The following TRIOBP variants were observed in gnomAD, a reference collection of about 807,000 sequenced individuals.
The protein encoded by TRIOBP is TRIO and F-actin-binding protein.
In TRIOBP, 169 loss-of-function variants were observed where a neutral mutation model predicts 238.8. That is an observed-to-expected ratio of 0.71 (90% CI 0.62 to 0.80). The LOEUF is 0.80. TRIOBP is among the 30% of genes least tolerant of loss of function. The probability of loss-of-function intolerance (pLI) is 0.00; values close to 1 mark genes in which losing one functional copy is unlikely to be tolerated. For synonymous variants in TRIOBP, 1,150 were observed against 1,274.4 expected, an observed-to-expected ratio of 0.90 and a Z score of 2.08; for missense variants, 2,838 against 3,122.6, an observed-to-expected ratio of 0.91 and a Z score of 2.17.
At chr22:37,772,792 G>A (rs541068887) in intron 23 of TRIOBP, 28 bp downstream of exon 23, 116 of 1,606,824 alleles carry the variant, frequency 7.2e-5, no homozygotes, top group Non-Finnish European at 9.5e-5. Flanking sequence ...TGCCCTGCAG[G>A]GTGGGCAGGG....
chr22:37,763,738 G>A (rs1166610534), intron 17 of TRIOBP, among the ~76,000 whole-genome samples: 4 of 152,134 alleles, frequency 2.6e-5, no homozygotes, highest in Non-Finnish European at 5.9e-5. Flanking sequence ...GGCTGCTGCC[G>A]CCTGCCTATC....
intron 22 of TRIOBP, among the ~76,000 whole-genome samples, 155 bp from the exon 23 acceptor site, chr22:37,772,438 TGGGAGGGG>T (rs1926830154): frequency 6.6e-6 from 1 of 150,876 alleles, no homozygotes; most frequent in African/African-American, 2.4e-5. Context: ...ACCAGGGAGG[TGGGAGGGG>T]TAAGCCCAGA....
At chr22:37,762,117 C>T (rs959369353) in intron 17 of TRIOBP, among the ~76,000 whole-genome samples, 2 of 152,244 alleles carry the variant, frequency 1.3e-5, no homozygotes, top group South Asian at 4.1e-4. Context: ...GTCACCCAGG[C>T]TACAGTGCAG....
At chr22:37,699,974 G>C (rs1189146807) in intron 2 of TRIOBP, among the ~76,000 whole-genome samples, 1 of 152,044 alleles carries the variant, frequency 6.6e-6, no homozygotes, top group Non-Finnish European at 1.5e-5. Flanking sequence ...TGCCTCCCAG[G>C]TTCAAGCGAT....
intron 18 of TRIOBP, among the ~76,000 whole-genome samples, chr22:37,767,688 T>C (rs555383519): frequency 1.3e-5 from 2 of 152,290 alleles, no homozygotes; most frequent in African/African-American, 4.8e-5. Flanking sequence ...TAGGCCTTGT[T>C]TGAGAGCCCT....
rs760935571 is a variant in TRIOBP, at chr22:37,735,312, G to C, written c.4976G>C (p.Cys1659Ser). ...CCGGTCCAGCTGCCCAGCCCTGCCT[G>C]CACCTCCACCCAGTGGCCAAAGATC... ...QSPVQLPSPA[C>S]TSTQWPKIKV... The change falls in exon 9 of 24, where the codon TGC becomes TCC. Residue 1659 changes from cysteine (C) to serine (S), a missense_variant. Around this residue, in one of 5 missense-constraint regions of TRIOBP, gnomAD observed 2,096 missense variants for 2,137.4 expected, o/e 0.98. Transcript: ENST00000644935. The C allele has an allele frequency of 6.2e-7, 1 of 1,612,776 alleles. No homozygotes were observed. Among genetic ancestry groups the C allele is most frequent in the South Asian group, 1.1e-5 (1 of 91,076 alleles).
intron 3 of TRIOBP, among the ~76,000 whole-genome samples, chr22:37,707,834 C>T (rs1037819370): frequency 4.6e-5 from 7 of 150,616 alleles, no homozygotes; most frequent in Admixed American, 3.3e-4. Flanking sequence ...CCCAGCTACT[C>T]AGGAGGCTGA....
intron 4 of TRIOBP, among the ~76,000 whole-genome samples, chr22:37,711,515 G>T (rs1923234470): frequency 1.3e-5 from 2 of 149,008 alleles, no homozygotes; most frequent in Non-Finnish European, 3.0e-5. Flanking sequence ...GGAGGCAGAG[G>T]TTGCAGTGAG....
chr22:37,752,848 G>A (rs1043690911), intron 12 of TRIOBP, among the ~76,000 whole-genome samples: 3 of 152,188 alleles, frequency 2.0e-5, no homozygotes, highest in Non-Finnish European at 4.4e-5. Flanking sequence ...AAGGGCCCTG[G>A]GAATTCAGCC....
chr22:37,741,032 G>A lies in TRIOBP; in HGVS notation c.5322G>A (p.Arg1774=). The A allele has an allele frequency of 6.4e-7, 1 of 1,563,110 alleles. No homozygotes were observed. Among genetic ancestry groups the A allele is most frequent in the Non-Finnish European group, 8.7e-7 (1 of 1,153,200 alleles). Residue 1774 remains arginine, a splice_region_variant and synonymous_variant, in exon 11 of 24, where the codon AGG becomes AGA. Transcript: ENST00000644935. ...LLSLGVLRWR[R]PDLLNFKKGW... Reference sequence around the variant, plus strand: ...CTCTGGGGGTCCTCAGGTGGCGAAGGGTAGGCTGGCTCCAGTGGGGACTGG... The same window carrying A: ...CTCTGGGGGTCCTCAGGTGGCGAAGAGTAGGCTGGCTCCAGTGGGGACTGG...
intron 3 of TRIOBP, among the ~76,000 whole-genome samples, chr22:37,703,736 A>T (rs1474235440): frequency 1.3e-5 from 2 of 151,462 alleles, no homozygotes; most frequent in African/African-American, 4.9e-5. Context: ...GATCTTCCTG[A>T]CCTCGTTATT....
intron 3 of TRIOBP, among the ~76,000 whole-genome samples, chr22:37,704,751 G>C (rs1922845108): frequency 6.7e-6 from 1 of 150,340 alleles, no homozygotes; most frequent in African/African-American, 2.4e-5. Flanking sequence ...GAAGGAAGGA[G>C]AATGTGCAAA....
chr22:37,773,368 A>G (rs1035471624), intron 23 of TRIOBP, among the ~76,000 whole-genome samples: 6 of 152,028 alleles, frequency 3.9e-5, no homozygotes, highest in African/African-American at 1.4e-4. Context: ...ACAGGCCCTC[A>G]CCACCATGCC....
rs756780935 is a variant in TRIOBP at position 37,726,248 on chromosome 22, G to A, written c.3692G>A (p.Arg1231His). ...RDAPRASSPPRHPPSDLAFLA... is the reference protein window; with the variant it reads ...RDAPRASSPPHHPPSDLAFLA... ...GCACCCCGAGCCTCCTCCCCACCCC[G>A]CCACCCACCCAGTGACCTAGCGTTC... Residue 1231 changes from arginine (R) to histidine (H), a missense_variant, in exon 7 of 24, where the codon CGC (arginine) becomes CAC (histidine). By Grantham distance (29) the Arg-to-His change is conservative. Around this residue, in one of 5 missense-constraint regions of TRIOBP, gnomAD observed 2,096 missense variants for 2,137.4 expected, o/e 0.98. Coordinates refer to ENST00000644935, the MANE Select transcript of TRIOBP (RefSeq NM_001039141.3). The A allele has an allele frequency of 9.0e-6, 11 of 1,217,744 alleles. No individual in the cohort carries two copies. The East Asian group carries it at 1.3e-4, about 15-fold the overall frequency. 75.4% of individuals were successfully genotyped at this position (1,217,744 alleles called of 1,614,324 possible). A position where few individuals can be genotyped will look rare whatever the true frequency, so the allele number is the denominator to read the frequency against.
chr22:37,766,958 CA>C (rs1216149396), intron 18 of TRIOBP, among the ~76,000 whole-genome samples: 391 of 101,038 alleles, frequency 3.9e-3, no homozygotes, highest in Non-Finnish European at 3.7e-3. Context: ...AAGACTCCAT[CA>C]AAAAAAAAAA....
chr22:37,734,527 G>C lies in TRIOBP; in HGVS notation c.4191G>C (p.Arg1397Ser). The change falls in exon 9 of 24, where the codon AGG becomes AGC. Residue 1397 changes from arginine to serine, a missense_variant. Coordinates refer to ENST00000644935, the MANE Select transcript of TRIOBP (RefSeq NM_001039141.3). ...TCCAGGGGTCCCCGCTGCCCCCCAG[G>C]ACATCAGCCAGGACCCCTGAGAGGG... is the stretch of plus-strand genomic sequence containing the variant. ...RQLQGSPLPP[R>S]TSARTPEREL... is the part of the protein sequence containing the mutation. 3 of 1,603,432 alleles carry C rather than the reference G, an allele frequency of 1.9e-6. No homozygotes were observed. The highest frequency in any genetic ancestry group is 2.6e-6 in the Non-Finnish European group (3 of 1,175,622).
chr22:37,707,218 G>A (rs1922991388), intron 3 of TRIOBP, among the ~76,000 whole-genome samples: 1 of 152,276 alleles, frequency 6.6e-6, no homozygotes, highest in South Asian at 2.1e-4. Context: ...GGAGGTTGCA[G>A]TGAGCCGAGA....
intron 11 of TRIOBP, chr22:37,746,229 A>T (rs1295222107): frequency 9.1e-7 from 1 of 1,093,102 alleles, no homozygotes; most frequent in African/African-American, 1.7e-5. Flanking sequence ...AAAAAAAAAA[A>T]AAAGTTTTAT....
chr22:37,754,963 C>A lies in TRIOBP; in HGVS notation c.5466C>A (p.Tyr1822Ter). 5 of 1,614,104 alleles carry A rather than the reference C, an allele frequency of 3.1e-6. No individual in the cohort carries two copies. The highest frequency in any genetic ancestry group is 4.2e-6 in the Non-Finnish European group (5 of 1,179,972). ...FVLTDSSLKY[Y>*]RDSTAEEADE... ...TGACAGATTCAAGTCTCAAATATTA[C>A]AGAGACTCCACTGCTGAGGAGGTGA... The change falls in exon 13 of 24, where the codon TAC becomes TAA. Residue 1822 changes from tyrosine to a stop codon, truncating the protein, a stop_gained. Transcript: ENST00000644935. LOFTEE classifies it high-confidence loss of function.
Sources: gnomAD v4.1 joint callset for allele counts (sites outside exome capture counted in the v4.1 genomes callset) on GRCh38, gnomAD v4.1.1 for gene constraint, gnomAD v4.1.1 regional missense constraint, MANE v1.5 for transcripts, NCBI Gene and HGNC (gene_info 2026-07-23, HGNC 2026-07-21) for gene names.